Variants in ACVR1 observed in about 807,000 individuals in gnomAD.
ACVR1 encodes the protein activin receptor type-1.
Under a neutral mutation model 57.1 loss-of-function variants are expected in ACVR1, and 38 were observed. The ratio of observed to expected loss-of-function variants is 0.67; its 90% confidence interval spans 0.51 to 0.87. The LOEUF (loss-of-function observed/expected upper bound fraction) is 0.87, where lower values mean the gene tolerates loss of function less well. ACVR1 is among the 40% of genes least tolerant of loss of function. The pLI, the probability that ACVR1 is intolerant of heterozygous loss-of-function variation, is 0.00. For synonymous variants in ACVR1, 212 were observed against 228.1 expected (o/e 0.93, Z 0.63); for missense variants, 463 against 638.2 (o/e 0.73, Z 2.96).
chr2:157,838,528 C>T (rs1420228074), intron 1 of ACVR1, among the ~76,000 whole-genome samples: 1 of 152,066 alleles, frequency 6.6e-6, no homozygotes, highest in African/African-American at 2.4e-5. Context: ...TAAGTACATC[C>T]CCAGTGTACA....
chr2:157,828,916 A>G lies in ACVR1; in HGVS notation c.-182-10357T>C, dbSNP rs1688488367. 2.6e-5 allele frequency among the ~76,000 whole-genome samples: 4 copies of G among 152,018 alleles called. No homozygotes were observed. The South Asian group carries it at 8.3e-4, about 32-fold the overall frequency. ...TGAGTAGCTGGGATTACAGGCACCC[A>G]CCACCATGCCCAGATAATTTTTGTA... On this transcript the variant is annotated intron_variant, in intron 1 of 10. Coordinates refer to ENST00000434821, the MANE Select transcript of ACVR1 (RefSeq NM_001111067.4).
In ACVR1 at chr2:157,738,553, T is replaced by C; in HGVS notation, c.1282A>G (p.Lys428Glu). Residue 428 changes from lysine (K) to glutamate (E), a missense_variant, in exon 10 of 11, where the codon AAG becomes GAG. Transcript: ENST00000434821. ...GGAACCACATCGTAGAACGGTGGCT[T>C]GTAATCCTCCACTATACCTGCACAC... ...MVSNGIVEDYKPPFYDVVPND... is the reference protein window; with the variant it reads ...MVSNGIVEDYEPPFYDVVPND... 1.2e-6 allele frequency: 2 copies of C among 1,614,134 alleles called. No individual in the cohort carries two copies. Among genetic ancestry groups the C allele is most frequent in the African/African-American group, 1.3e-5 (1 of 75,044 alleles).
rs543585765 is a variant in ACVR1 at position 157,802,700 on chromosome 2, C to T, written c.-7-3200G>A. Among the ~76,000 whole-genome samples the T allele has an allele frequency of 3.3e-5, 5 of 152,300 alleles. No individual in the cohort carries two copies. In the South Asian group the frequency reaches 1.0e-3, roughly 32 times the overall value. On this transcript the variant is annotated intron_variant, in intron 2 of 10. Transcript: ENST00000434821. ...AGAAGCCTGTCTAAACCCTTAAGTA[C>T]TCTCTGCTCATTCTCATAGATCACT...
At chr2:157,772,522 G>A (rs16842031) in intron 6 of ACVR1, among the ~76,000 whole-genome samples, 87 of 152,284 alleles carry the variant, frequency 5.7e-4, no homozygotes, top group African/African-American at 2.0e-3. Flanking sequence ...AAAGAATGCT[G>A]AGGAATATCT....
chr2:157,829,395 T>C (rs1688505124), intron 1 of ACVR1, among the ~76,000 whole-genome samples: 1 of 152,210 alleles, frequency 6.6e-6, no homozygotes, highest in Non-Finnish European at 1.5e-5. Flanking sequence ...CCACCAGCAG[T>C]GGCCCAACTG....
chr2:157,749,751 A>T (rs559740438), intron 9 of ACVR1, among the ~76,000 whole-genome samples: 2 of 152,326 alleles, frequency 1.3e-5, no homozygotes, highest in South Asian at 4.1e-4. Context: ...CTAGGGCCCA[A>T]GCATGCCATC....
At chr2:157,809,335 T>C (rs905600912) in intron 2 of ACVR1, among the ~76,000 whole-genome samples, 12 of 152,196 alleles carry the variant, frequency 7.9e-5, no homozygotes, top group Admixed American at 1.3e-4. Context: ...AAATATGCTT[T>C]TGCCAGTCAA....
At chr2:157,853,139 T>C (rs942928575) in intron 1 of ACVR1, among the ~76,000 whole-genome samples, 1 of 152,230 alleles carries the variant, frequency 6.6e-6, no homozygotes, top group Non-Finnish European at 1.5e-5. Context: ...TATAATATCC[T>C]TCCTGTTCCT....
At chr2:157,869,301 A>G (rs1352412999) in intron 1 of ACVR1, among the ~76,000 whole-genome samples, 1 of 152,232 alleles carries the variant, frequency 6.6e-6, no homozygotes, top group African/African-American at 2.4e-5. Context: ...GCATAGGGGT[A>G]AGAACTTTCT....
intron 1 of ACVR1, among the ~76,000 whole-genome samples, chr2:157,822,072 C>T (rs1473967791): frequency 1.3e-5 from 2 of 152,196 alleles, no homozygotes; most frequent in African/African-American, 4.8e-5. Context: ...AATCCTTACC[C>T]TTTCAAGAAC....
At chr2:157,753,189 A>G (rs1685276252) in intron 9 of ACVR1, among the ~76,000 whole-genome samples, 1 of 152,226 alleles carries the variant, frequency 6.6e-6, no homozygotes, top group South Asian at 2.1e-4. Context: ...AACAAACTTT[A>G]AAGCAACATC....
At chr2:157,871,732 A>G (rs886125896) in intron 1 of ACVR1, among the ~76,000 whole-genome samples, 1 of 152,228 alleles carries the variant, frequency 6.6e-6, no homozygotes, top group African/African-American at 2.4e-5. Flanking sequence ...AGAACTGCCT[A>G]GAAGCGCACA....
intron 1 of ACVR1, among the ~76,000 whole-genome samples, chr2:157,837,768 C>T (rs1438679136): frequency 6.6e-6 from 1 of 151,956 alleles, no homozygotes; most frequent in African/African-American, 2.4e-5. Context: ...TTAAGAGGGG[C>T]TCATCAAGGA....
intron 1 of ACVR1, among the ~76,000 whole-genome samples, chr2:157,874,082 A>G (rs1690198590): frequency 6.6e-6 from 1 of 152,228 alleles, no homozygotes; most frequent in Non-Finnish European, 1.5e-5. Flanking sequence ...ACACAGCTGG[A>G]AAAGGAGGGC....
At chr2:157,795,402 A>G (rs1038265139) in intron 3 of ACVR1, among the ~76,000 whole-genome samples, 2 of 151,196 alleles carry the variant, frequency 1.3e-5, no homozygotes, top group South Asian at 2.1e-4. Context: ...ACACACACAC[A>G]CACACACACA....
chr2:157,773,329 T>C (rs1415669999), intron 6 of ACVR1, among the ~76,000 whole-genome samples: 1 of 152,182 alleles, frequency 6.6e-6, no homozygotes. Context: ...TTTACAAATT[T>C]TGACCCAGGA....
rs76617023 is a variant in ACVR1, at chr2:157,814,697, T to C, written c.-8+3688A>G. Among the ~76,000 whole-genome samples, 476 of 152,286 alleles carry C rather than the reference T, an allele frequency of 3.1e-3. 12 individuals carry two copies. In the East Asian group the frequency reaches 0.066, roughly 21 times the overall value. ...TCAAAGTTATTCCCTATAGCTTTGT[T>C]CACGATAATAAAAACTGGAAATGAT... On this transcript the variant is annotated intron_variant, in intron 2 of 10. Transcript: ENST00000434821.
At chr2:157,845,211 T>C (rs1005698352) in intron 1 of ACVR1, among the ~76,000 whole-genome samples, 1 of 152,190 alleles carries the variant, frequency 6.6e-6, no homozygotes, top group African/African-American at 2.4e-5. Flanking sequence ...GGTTGAACAG[T>C]AGCCTGCCAA....
intron 1 of ACVR1, chr2:157,875,035 A>C (rs1372893287): frequency 2.0e-5 from 3 of 152,130 alleles, no homozygotes; most frequent in Admixed American, 6.5e-5. Context: ...ATCTGGCACA[A>C]ACTGGACAGA....
Sources: allele counts gnomAD v4.1 joint callset (sites outside exome capture counted in the v4.1 genomes callset), GRCh38; gene constraint gnomAD v4.1.1; transcripts MANE v1.5; gene names NCBI Gene and HGNC (gene_info 2026-07-23, HGNC 2026-07-21).